The following GFM1 variants were observed in gnomAD, a reference collection of about 807,000 sequenced individuals.
GFM1 encodes the protein G elongation factor mitochondrial 1.
GFM1 carries 62 observed loss-of-function variants against 96.2 expected under a neutral mutation model. That is an observed-to-expected ratio of 0.64 (90% confidence interval 0.53 to 0.80). GFM1 has a LOEUF of 0.80. GFM1 is among the 30% of genes least tolerant of loss of function. GFM1 has a pLI of 0.00. For synonymous variants in GFM1, 282 were observed against 312.9 expected (o/e 0.90, Z 1.04); for missense variants, 852 against 916.6 (o/e 0.93, Z 0.91).
chr3:158,662,016 T>C (rs2108042953), intron 10 of GFM1, among the ~76,000 whole-genome samples: 1 of 152,278 alleles, frequency 6.6e-6, no homozygotes, highest in East Asian at 1.9e-4. Context: ...CAACATGAAG[T>C]GATTGGTAGT....
chr3:158,665,143 A>G (rs1723536032), intron 11 of GFM1, among the ~76,000 whole-genome samples, 194 bp from the exon 12 acceptor site: 1 of 152,188 alleles, frequency 6.6e-6, no homozygotes, highest in Non-Finnish European at 1.5e-5. Flanking sequence ...TCAGTGAGCT[A>G]TTCCCTGCTG....
intron 2 of GFM1, 76 bp from the exon 3 acceptor site, chr3:158,646,089 T>C (rs769936934): frequency 6.3e-7 from 1 of 1,576,758 alleles, no homozygotes; most frequent in African/African-American, 1.3e-5. Context: ...GGCAACTGTT[T>C]CCATTTCAGT....
At chr3:158,650,914 G>C (rs377161523) in intron 5 of GFM1, 2 of 151,030 alleles carry the variant, frequency 1.3e-5, no homozygotes, top group Admixed American at 1.3e-4. Context: ...CCAGCTACTC[G>C]GGAGGCTGAG....
chr3:158,668,851 G>T, intron 13 of GFM1: 1 of 651,624 alleles, frequency 1.5e-6, no homozygotes, highest in South Asian at 2.4e-5. Context: ...CTCTAATCTT[G>T]ATTGTACCTG....
At chr3:158,667,516 T>C (rs1723825011) in intron 13 of GFM1, among the ~76,000 whole-genome samples, 1 of 152,234 alleles carries the variant, frequency 6.6e-6, no homozygotes, top group African/African-American at 2.4e-5. Flanking sequence ...CCGAGCACAG[T>C]GGCTCACACC....
At chr3:158,688,965 T>C (rs1325964076) in intron 15 of GFM1, among the ~76,000 whole-genome samples, 2 of 152,228 alleles carry the variant, frequency 1.3e-5, no homozygotes, top group Admixed American at 6.5e-5. Flanking sequence ...TTAGTTTTGG[T>C]TTATTATAAA....
At chr3:158,686,217 GTA>G (rs1560145316) in intron 15 of GFM1, among the ~76,000 whole-genome samples, 1 of 146,880 alleles carries the variant, frequency 6.8e-6, no homozygotes. Context: ...CATATATAAA[GTA>G]TATATGCATA....
At chr3:158,681,505 T>G (rs756260496) in intron 13 of GFM1, among the ~76,000 whole-genome samples, 21 of 152,196 alleles carry the variant, frequency 1.4e-4, no homozygotes, top group Non-Finnish European at 2.6e-4. Flanking sequence ...ATATTAATTA[T>G]TTCACTTGGA....
chr3:158,644,882 G>T, intron 1 of GFM1, 167 bp downstream of exon 1: 1 of 649,198 alleles, frequency 1.5e-6, no homozygotes, highest in East Asian at 2.8e-5. Context: ...ACATTAGCTC[G>T]TTAGCTCGTT....
At chr3:158,665,629 T>C (rs1052035223) in intron 12 of GFM1, among the ~76,000 whole-genome samples, 155 bp downstream of exon 12, 3 of 152,230 alleles carry the variant, frequency 2.0e-5, no homozygotes, top group Non-Finnish European at 4.4e-5. Context: ...TCCTCTACTA[T>C]GTGTTACAAA....
At chr3:158,681,919 T>G (rs9868139) in intron 13 of GFM1, 76 bp from the exon 14 acceptor site, 917 of 1,169,302 alleles carry the variant, frequency 7.8e-4, no homozygotes, top group Non-Finnish European at 1.0e-3. Flanking sequence ...TCAAATGTGT[T>G]CTTTTAAATT....
rs1005438077 is a variant in GFM1 at position 158,692,612 on chromosome 3, T to C, written c.*1145T>C. On this transcript the variant is annotated 3_prime_UTR_variant, in exon 18 of 18. Transcript: ENST00000486715. ...TTGACTTATAGACGTGGCTTTATAC[T>C]TTAAGGTTTCTAGGGGAAAAAGATC... 4.6e-5 allele frequency: 7 copies of C among 152,196 alleles called. No individual in the cohort carries two copies. Among genetic ancestry groups the C allele is most frequent in the African/African-American group, 1.7e-4 (7 of 41,456 alleles). 9.4% of individuals were successfully genotyped at this position (152,196 alleles called of 1,614,324 possible).
intron 9 of GFM1, among the ~76,000 whole-genome samples, chr3:158,659,848 C>T (rs1346453767): frequency 1.3e-5 from 2 of 152,138 alleles, no homozygotes; most frequent in African/African-American, 4.8e-5. Flanking sequence ...AACCCGACAG[C>T]GTTGCTGTTT....
At position 158,665,339 on chromosome 3, in the gene GFM1, C is replaced by T. The variant is rs774976760; in HGVS notation, c.1383C>T (p.Asn461=). The change falls in exon 12 of 18, where the codon AAC becomes AAT. Residue 461 remains asparagine, a splice_region_variant and synonymous_variant. Transcript: ENST00000486715. Reference sequence around the variant, plus strand: ...GTGACTTTCTTCTTCTTTTAAAGAACGATCTGGAAAAATTTTCAAAAGGTA... The same window carrying T: ...GTGACTTTCTTCTTCTTTTAAAGAATGATCTGGAAAAATTTTCAAAAGGTA... ...ISIAMKPSNK[N]DLEKFSKGIG... 68 of 1,606,596 alleles carry T rather than the reference C, an allele frequency of 4.2e-5. No homozygotes were observed. In the Middle Eastern group the frequency reaches 4.9e-4, roughly 12 times the overall value.
intron 15 of GFM1, among the ~76,000 whole-genome samples, chr3:158,686,930 A>G (rs1272735524): frequency 6.6e-6 from 1 of 151,876 alleles, no homozygotes; most frequent in Non-Finnish European, 1.5e-5. Flanking sequence ...ACAAGGGTTC[A>G]CCATGTTGAC....
intron 7 of GFM1, 33 bp from the exon 8 acceptor site, chr3:158,654,514 C>T (rs777718177): frequency 4.9e-6 from 6 of 1,232,872 alleles, no homozygotes; most frequent in Non-Finnish European, 3.6e-6. Flanking sequence ...TCATATATTA[C>T]ATCTCATAGA....
At chr3:158,645,046 A>G (rs1721647716) in intron 1 of GFM1, among the ~76,000 whole-genome samples, 1 of 134,146 alleles carries the variant, frequency 7.5e-6, no homozygotes, top group Non-Finnish European at 1.6e-5. Context: ...GTGCAGTCCT[A>G]TAGGGAAAGG....
intron 13 of GFM1, chr3:158,672,336 C>T (rs188844384): frequency 5.5e-4 from 881 of 1,613,238 alleles, no homozygotes; most frequent in Non-Finnish European, 5.9e-4. Context: ...TCCACCACCC[C>T]CTGCTAAACT....
intron 9 of GFM1, 189 bp from the exon 10 acceptor site, chr3:158,660,682 GGCC>G: frequency 1.7e-6 from 1 of 598,744 alleles, no homozygotes; most frequent in East Asian, 2.8e-5. Flanking sequence ...TTTAAATGAA[GGCC>G]TTTTAAAAAT....
Sources: gnomAD v4.1 joint callset for allele counts (sites outside exome capture counted in the v4.1 genomes callset) on GRCh38, gnomAD v4.1.1 for gene constraint, MANE v1.5 for transcripts, NCBI Gene and HGNC (gene_info 2026-07-23, HGNC 2026-07-21) for gene names.